The following KLF12 variants were observed in gnomAD, a reference collection of about 807,000 sequenced individuals.
KLF12 encodes the protein Krueppel-like factor 12.
Under a neutral mutation model 37.8 loss-of-function variants are expected in KLF12, and 9 were observed. The observed-to-expected ratio is 0.24, with a 90% confidence interval of 0.14 to 0.42. The LOEUF (loss-of-function observed/expected upper bound fraction) is 0.42, where lower values mean the gene tolerates loss of function less well. Ranked by LOEUF, KLF12 falls within the 10% of genes least tolerant of loss-of-function variation. The pLI is 1.00. For synonymous variants in KLF12, 208 were observed against 202.1 expected (o/e 1.03, Z -0.25); for missense variants, 411 against 516.0 (o/e 0.80, Z 1.97).
intron 3 of KLF12, among the ~76,000 whole-genome samples, chr13:73,866,213 C>T (rs1396480623): frequency 1.3e-5 from 2 of 152,096 alleles, no homozygotes; most frequent in Non-Finnish European, 2.9e-5. Context: ...TGAGATCACG[C>T]CACTGCACTC....
chr13:73,823,751 C>T (rs1023866528), intron 4 of KLF12, among the ~76,000 whole-genome samples: 1 of 151,996 alleles, frequency 6.6e-6, no homozygotes, highest in Non-Finnish European at 1.5e-5. Flanking sequence ...GCTCTTGTTG[C>T]CCAGGCTGGA....
At chr13:74,304,671 A>G in the KLF12 span, among the ~76,000 whole-genome samples, 5 of 152,228 alleles carry the variant, frequency 3.3e-5, no homozygotes, top group East Asian at 9.7e-4. Context: ...CGTGTTTATT[A>G]CTTAGATAGT....
chr13:73,738,987 C>G (rs768592962), intron 6 of KLF12, among the ~76,000 whole-genome samples: 1 of 152,102 alleles, frequency 6.6e-6, no homozygotes, highest in Non-Finnish European at 1.5e-5. Flanking sequence ...GTATTTCCAG[C>G]ACTTTGGAAG....
chr13:73,904,469 C>CTTT lies in KLF12; in HGVS notation c.123+39509_123+39511dup, dbSNP rs11342071. Among the ~76,000 whole-genome samples the CTTT allele has an allele frequency of 2.9e-3, 271 of 91,892 alleles. 8 individuals are homozygous for CTTT. Among genetic ancestry groups the CTTT allele is most frequent in the African/African-American group, 4.6e-3 (102 of 22,130 alleles). 60.3% of individuals were successfully genotyped at this position (91,892 alleles called of 152,430 possible). A position where few individuals can be genotyped will look rare whatever the true frequency, so the allele number is the denominator to read the frequency against. On this transcript the variant is annotated intron_variant, in intron 3 of 7. Transcript: ENST00000377669. ...CAGTTTCTCATGTTTTCTTTCTTTC[C>CTTT]TTTTTTTTTTTTTTTTTTTTTTTAC...
chr13:74,185,657 A>T, the KLF12 span, among the ~76,000 whole-genome samples: 1 of 151,730 alleles, frequency 6.6e-6, no homozygotes, highest in East Asian at 1.9e-4. Context: ...TCTATTTTTT[A>T]TTTTCTTGAG....
At chr13:74,143,651 A>G in the KLF12 span, among the ~76,000 whole-genome samples, 3 of 152,084 alleles carry the variant, frequency 2.0e-5, no homozygotes, top group Admixed American at 6.5e-5. Flanking sequence ...ATCTTTCTCT[A>G]TGTAGTGCTT....
upstream of KLF12, among the ~76,000 whole-genome samples, chr13:74,137,628 A>G (rs1337753199): frequency 6.6e-6 from 1 of 152,252 alleles, no homozygotes; most frequent in African/African-American, 2.4e-5. Flanking sequence ...ACAATTAGAA[A>G]TAATGTTAAT....
intron 6 of KLF12, among the ~76,000 whole-genome samples, chr13:73,740,567 C>G (rs1250969840): frequency 1.3e-5 from 2 of 152,126 alleles, no homozygotes. Flanking sequence ...TCTTGAACCC[C>G]TAGCCTCAAA....
chr13:74,294,029 A>G, the KLF12 span, among the ~76,000 whole-genome samples: 1 of 152,196 alleles, frequency 6.6e-6, no homozygotes, highest in Non-Finnish European at 1.5e-5. Flanking sequence ...AAGTATCTAC[A>G]ATCACTAAGC....
At chr13:73,951,644 T>C (rs557669812) in intron 2 of KLF12, among the ~76,000 whole-genome samples, 4 of 152,278 alleles carry the variant, frequency 2.6e-5, no homozygotes, top group Admixed American at 2.0e-4. Flanking sequence ...TGATCCCATA[T>C]ACAATGGAGA....
At chr13:73,705,522 G>A (rs959170015) in intron 7 of KLF12, among the ~76,000 whole-genome samples, 8 of 152,072 alleles carry the variant, frequency 5.3e-5, no homozygotes, top group African/African-American at 1.9e-4. Context: ...ATCCTCCCAC[G>A]TCAGCCTCCC....
At chr13:73,994,841 A>G in intron 2 of KLF12, 149 bp downstream of exon 2, 1 of 589,938 alleles carries the variant, frequency 1.7e-6, no homozygotes, top group Non-Finnish European at 3.0e-6. Context: ...AAAAGGAAAA[A>G]TTACATTTTA....
chr13:73,690,185 T>C lies in KLF12; in HGVS notation c.*5305A>G, dbSNP rs998669987. ...AAAAACCCAGTCTTATTAAGAATTA[T>C]TGCTGTGTAAAAGTATAGGAATATC... On this transcript the variant is annotated 3_prime_UTR_variant, in exon 8 of 8. Coordinates refer to ENST00000377669, the MANE Select transcript of KLF12 (RefSeq NM_007249.5). 3 of 152,606 alleles carry C rather than the reference T, an allele frequency of 2.0e-5. No individual in the cohort carries two copies. The highest frequency in any genetic ancestry group is 4.8e-5 in the African/African-American group (2 of 41,448). 9.5% of individuals were successfully genotyped at this position (152,606 alleles called of 1,614,324 possible). A position where few individuals can be genotyped will look rare whatever the true frequency, so the allele number is the denominator to read the frequency against.
At chr13:74,099,615 G>C (rs1876193886) in intron 1 of KLF12, among the ~76,000 whole-genome samples, 2 of 152,240 alleles carry the variant, frequency 1.3e-5, no homozygotes, top group East Asian at 3.9e-4. Flanking sequence ...TAAATCCTAA[G>C]AGCAAAGATG....
chr13:74,050,448 G>A (rs565026323), intron 1 of KLF12, among the ~76,000 whole-genome samples: 14 of 152,280 alleles, frequency 9.2e-5, no homozygotes, highest in African/African-American at 3.4e-4. Flanking sequence ...GGAGACAAAG[G>A]ACACACAGGG....
At chr13:74,085,220 G>T (rs11617070) in intron 1 of KLF12, among the ~76,000 whole-genome samples, 3 of 152,188 alleles carry the variant, frequency 2.0e-5, no homozygotes, top group African/African-American at 4.8e-5. Context: ...AAGACCTTTA[G>T]ATATTGGCTG....
intron 3 of KLF12, among the ~76,000 whole-genome samples, chr13:73,848,389 T>A (rs1885140819): frequency 6.6e-6 from 1 of 152,034 alleles, no homozygotes; most frequent in Non-Finnish European, 1.5e-5. Context: ...GCAGACTGCT[T>A]AGTCTTCTCT....
chr13:74,150,791 G>T, the KLF12 span, among the ~76,000 whole-genome samples: 2 of 152,084 alleles, frequency 1.3e-5, no homozygotes, highest in African/African-American at 4.8e-5. Flanking sequence ...ACACAAGGGG[G>T]GCAGAGGAGC....
the KLF12 span, among the ~76,000 whole-genome samples, chr13:74,282,116 A>G: frequency 6.6e-6 from 1 of 152,176 alleles, no homozygotes; most frequent in Non-Finnish European, 1.5e-5. Context: ...ATAGCCCTAG[A>G]AAGTATGACT....
Sources: allele counts gnomAD v4.1 joint callset (sites outside exome capture counted in the v4.1 genomes callset), GRCh38; gene constraint gnomAD v4.1.1; transcripts MANE v1.5; gene names NCBI Gene and HGNC (gene_info 2026-07-23, HGNC 2026-07-21).